The following SRGAP3 variants were observed in gnomAD, a reference collection of about 807,000 sequenced individuals.
The protein encoded by SRGAP3 is SLIT-ROBO Rho GTPase activating protein 3, also known as SLIT-ROBO Rho GTPase-activating protein 3.
In SRGAP3, 39 loss-of-function variants were observed where a neutral mutation model predicts 121.1. That is an observed-to-expected ratio of 0.32 (90% CI 0.25 to 0.42). SRGAP3 has a LOEUF of 0.42. Among genes scored for constraint, SRGAP3 ranks in the 10% least tolerant of loss-of-function variants. The pLI, the probability that SRGAP3 is intolerant of heterozygous loss-of-function variation, is 1.00. For missense variants in SRGAP3, 1,213 were observed against 1,470.6 expected (o/e 0.82, Z 2.86); for synonymous variants, 601 against 570.0 (o/e 1.05, Z -0.77).
intron 1 of SRGAP3, among the ~76,000 whole-genome samples, chr3:9,126,572 C>A (rs983592942): frequency 6.6e-5 from 10 of 152,006 alleles, no homozygotes; most frequent in South Asian, 6.2e-4. Context: ...GGAGGTTGCA[C>A]GCCATTGCAC....
At chr3:9,313,785 A>T (rs1220808169) in intron 3 of SRGAP3, among the ~76,000 whole-genome samples, 5 of 152,182 alleles carry the variant, frequency 3.3e-5, no homozygotes, top group Admixed American at 3.3e-4. Context: ...ACCTGAGATC[A>T]GGAGTTCGAG....
intron 14 of SRGAP3, among the ~76,000 whole-genome samples, chr3:9,020,644 C>T (rs1469527117): frequency 1.3e-5 from 2 of 152,184 alleles, no homozygotes; most frequent in African/African-American, 4.8e-5. Flanking sequence ...TGCCATTCCT[C>T]CTGCAAGGCT....
chr3:9,201,148 G>A (rs1005701084), intron 1 of SRGAP3, among the ~76,000 whole-genome samples: 1 of 152,110 alleles, frequency 6.6e-6, no homozygotes, highest in Non-Finnish European at 1.5e-5. Context: ...TAATAGGAAG[G>A]CTCGGTGACA....
intron 4 of SRGAP3, among the ~76,000 whole-genome samples, chr3:9,076,245 G>T (rs1946970627): frequency 6.6e-6 from 1 of 152,154 alleles, no homozygotes; most frequent in Non-Finnish European, 1.5e-5. Flanking sequence ...AAGTCACAGA[G>T]TTTCGAGGTA....
intron 3 of SRGAP3, among the ~76,000 whole-genome samples, chr3:9,276,789 T>C (rs1954590683): frequency 6.6e-6 from 1 of 152,236 alleles, no homozygotes; most frequent in Non-Finnish European, 1.5e-5. Context: ...TACCATCAAA[T>C]GTGGCCCTCT....
intron 1 of SRGAP3, among the ~76,000 whole-genome samples, chr3:9,149,328 T>C (rs886644690): frequency 6.6e-6 from 1 of 152,164 alleles, no homozygotes; most frequent in Non-Finnish European, 1.5e-5. Context: ...GTTCATTAAC[T>C]GCACCTCAGT....
intron 14 of SRGAP3, among the ~76,000 whole-genome samples, chr3:9,019,849 C>T (rs925194): frequency 0.25 from 38,691 of 152,136 alleles, 5,081 homozygotes; most frequent in African/African-American, 0.29. Context: ...GTGGCCCAGA[C>T]ACAGGTATCA....
intron 1 of SRGAP3, among the ~76,000 whole-genome samples, chr3:9,234,024 T>C (rs900491351): frequency 1.3e-5 from 2 of 152,038 alleles, no homozygotes; most frequent in African/African-American, 2.4e-5. Flanking sequence ...GTTTCAATGG[T>C]GATATTATGC....
chr3:9,146,823 C>T (rs1451199174), intron 1 of SRGAP3, among the ~76,000 whole-genome samples: 2 of 152,164 alleles, frequency 1.3e-5, no homozygotes, highest in African/African-American at 4.8e-5. Flanking sequence ...CTCTTGGGTG[C>T]TTGGCAGGAA....
At chr3:9,034,923 C>T (rs1944674231) in intron 11 of SRGAP3, 1 of 152,188 alleles carries the variant, frequency 6.6e-6, no homozygotes, top group Admixed American at 6.5e-5. Context: ...TGTTTTTGAA[C>T]ATTCCCAGAT....
intron 1 of SRGAP3, among the ~76,000 whole-genome samples, chr3:9,356,499 C>A (rs1452008579): frequency 6.7e-6 from 1 of 150,184 alleles, no homozygotes; most frequent in Middle Eastern, 3.2e-3. Context: ...CAGCCTCCTG[C>A]GTAGCTGGGA....
At chr3:9,025,074 G>C (rs1463272476) in intron 14 of SRGAP3, among the ~76,000 whole-genome samples, 187 bp downstream of exon 14, 1 of 152,136 alleles carries the variant, frequency 6.6e-6, no homozygotes, top group South Asian at 2.1e-4. Flanking sequence ...GTGTAAACAC[G>C]CCAGCCATGG....
intron 4 of SRGAP3, among the ~76,000 whole-genome samples, chr3:9,079,179 A>T (rs1047807850): frequency 6.6e-6 from 1 of 151,900 alleles, no homozygotes; most frequent in African/African-American, 2.4e-5. Flanking sequence ...AAACAAACAC[A>T]CTTTTCATGA....
At chr3:9,237,378 C>T (rs1215897319) in intron 1 of SRGAP3, among the ~76,000 whole-genome samples, 1 of 151,804 alleles carries the variant, frequency 6.6e-6, no homozygotes, top group Non-Finnish European at 1.5e-5. Flanking sequence ...GTTCTAGGTG[C>T]CAAAAAACAC....
chr3:9,046,167 C>T (rs941630550), intron 10 of SRGAP3, among the ~76,000 whole-genome samples: 23 of 151,850 alleles, frequency 1.5e-4, no homozygotes, highest in Non-Finnish European at 2.5e-4. Context: ...AGTATAACCA[C>T]CACTCAAAGC....
chr3:9,333,464 G>A (rs1026899504), intron 1 of SRGAP3, among the ~76,000 whole-genome samples: 5 of 151,880 alleles, frequency 3.3e-5, no homozygotes, highest in African/African-American at 9.7e-5. Context: ...GATTTCAATC[G>A]CTTGGCCCCT....
chr3:9,286,193 G>T (rs544031436), intron 3 of SRGAP3, among the ~76,000 whole-genome samples: 34 of 150,566 alleles, frequency 2.3e-4, no homozygotes, highest in African/African-American at 8.3e-4. Flanking sequence ...CATTTCTGAA[G>T]GCTCCTGTGT....
At chr3:9,335,795 C>T (rs772313669) in intron 1 of SRGAP3, among the ~76,000 whole-genome samples, 3 of 152,176 alleles carry the variant, frequency 2.0e-5, no homozygotes, top group South Asian at 2.1e-4. Context: ...TGCCAAGGTA[C>T]CAGCCACAGA....
intron 4 of SRGAP3, among the ~76,000 whole-genome samples, chr3:9,069,766 G>C (rs1256607810): frequency 1.3e-5 from 2 of 152,156 alleles, no homozygotes; most frequent in Admixed American, 6.5e-5. Flanking sequence ...GGCCAACATA[G>C]TGAAACCCTG....
Sources: allele counts gnomAD v4.1 joint callset (sites outside exome capture counted in the v4.1 genomes callset), GRCh38; gene constraint gnomAD v4.1.1; transcripts MANE v1.5; gene names NCBI Gene and HGNC (gene_info 2026-07-23, HGNC 2026-07-21).